The following MTDH variants were observed in gnomAD, a reference collection of about 807,000 sequenced individuals.
The protein encoded by MTDH is protein LYRIC.
MTDH carries 34 observed loss-of-function variants against 72.7 expected under a neutral mutation model. The observed-to-expected ratio is 0.47, with a 90% CI of 0.36 to 0.62. The LOEUF (loss-of-function observed/expected upper bound fraction) is 0.62, where lower values mean the gene tolerates loss of function less well. Ranked by LOEUF, MTDH falls within the 20% of genes least tolerant of loss-of-function variation. The probability of loss-of-function intolerance (pLI) is 0.00; values close to 1 mark genes in which losing one functional copy is unlikely to be tolerated. For missense variants in MTDH, 677 were observed against 699.4 expected, an observed-to-expected ratio of 0.97 and a Z score of 0.36; for synonymous variants, 266 against 268.9, an observed-to-expected ratio of 0.99 and a Z score of 0.10.
In MTDH at chr8:97,725,518, A is replaced by G. The variant is rs2131097758; in HGVS notation, c.*848A>G. 6.5e-6 allele frequency: 1 copy of G among 152,714 alleles called. No individual in the cohort carries two copies. The highest frequency in any genetic ancestry group is 1.5e-5 in the Non-Finnish European group (1 of 68,016). 9.5% of individuals were successfully genotyped at this position (152,714 alleles called of 1,614,324 possible). A position where few individuals can be genotyped will look rare whatever the true frequency, so the allele number is the denominator to read the frequency against. The stretch of plus-strand genomic sequence containing the variant: ...CAGCTTCAACTCTTCTTAGTTACTA[A>G]TACTTTGTTGACTTTAAAAATGAAA... On this transcript the variant is annotated 3_prime_UTR_variant, in exon 12 of 12. Transcript: ENST00000336273.
intron 8 of MTDH, among the ~76,000 whole-genome samples, chr8:97,710,582 C>T (rs2513974): frequency 0.18 from 26,020 of 147,786 alleles, 3,384 homozygotes; most frequent in African/African-American, 0.35. Flanking sequence ...CCTGTAATCC[C>T]AGCTACTTGG....
In MTDH at chr8:97,644,325, C is replaced by T. The variant is rs1019221596; in HGVS notation, c.-182C>T. ...CGGAGTGAGGCTGACAGCGGGGAACCTGGGAGACCCCTCCGCCCTCCCCGC... is the reference window on the plus strand; with the variant it reads ...CGGAGTGAGGCTGACAGCGGGGAACTTGGGAGACCCCTCCGCCCTCCCCGC... On this transcript the variant is annotated 5_prime_UTR_variant, in exon 1 of 12. Coordinates refer to ENST00000336273, the MANE Select transcript of MTDH (RefSeq NM_178812.4). The T allele has an allele frequency of 2.7e-6, 2 of 753,408 alleles. No individual in the cohort carries two copies. Among genetic ancestry groups the T allele is most frequent in the African/African-American group, 3.8e-5 (2 of 53,090 alleles). 46.7% of individuals were successfully genotyped at this position (753,408 alleles called of 1,614,324 possible).
At position 97,702,342 on chromosome 8, in the gene MTDH, A is replaced by G. The variant is rs559756592; in HGVS notation, c.1147+2490A>G. On this transcript the variant is annotated intron_variant, in intron 7 of 11. Transcript: ENST00000336273. ...TTCAGGACAGACTACCTGGGTTTCA[A>G]TCTTAACTTCCCTGCCTTTGCCCAT... 5.3e-5 allele frequency among the ~76,000 whole-genome samples: 8 copies of G among 152,298 alleles called. No homozygotes were observed. In the South Asian group the frequency reaches 1.0e-3, roughly 20 times the overall value.
At chr8:97,674,398 T>C (rs1812761016) in intron 2 of MTDH, among the ~76,000 whole-genome samples, 1 of 152,242 alleles carries the variant, frequency 6.6e-6, no homozygotes, top group African/African-American at 2.4e-5. Flanking sequence ...CATCCTGATA[T>C]TGTATCACAA....
chr8:97,721,624 T>C (rs991015482), intron 10 of MTDH, among the ~76,000 whole-genome samples: 10 of 152,210 alleles, frequency 6.6e-5, no homozygotes, highest in African/African-American at 2.4e-4. Context: ...TTCAGGATAA[T>C]GATCACAGAT....
chr8:97,691,844 G>A (rs887124008), intron 6 of MTDH, among the ~76,000 whole-genome samples: 11 of 151,684 alleles, frequency 7.3e-5, no homozygotes, highest in African/African-American at 2.4e-5. Flanking sequence ...TCTCCTGCCC[G>A]CAACTGTATA....
At chr8:97,664,661 C>A (rs868322799) in intron 2 of MTDH, among the ~76,000 whole-genome samples, 22 of 152,026 alleles carry the variant, frequency 1.4e-4, no homozygotes, top group African/African-American at 5.1e-4. Flanking sequence ...GTGTGTATTG[C>A]GCTTTGTGTT....
intron 6 of MTDH, among the ~76,000 whole-genome samples, chr8:97,694,266 CG>C (rs1352097079): frequency 7.9e-5 from 12 of 151,136 alleles, no homozygotes; most frequent in African/African-American, 2.7e-4. Context: ...GGCACGATCT[CG>C]GCTCACCACA....
intron 7 of MTDH, among the ~76,000 whole-genome samples, chr8:97,700,285 A>T (rs574447951): frequency 2.0e-4 from 30 of 152,302 alleles, no homozygotes; most frequent in African/African-American, 7.2e-4. Flanking sequence ...TTAGAAGGGA[A>T]GAATATGGTT....
In MTDH at chr8:97,725,868, G is replaced by T. The variant is rs1247938563; in HGVS notation, c.*1198G>T. ...AGGTATCTTTGTAACTATAAATAGT[G>T]CATGCTCAGCCATGTACACTGTAAA... On this transcript the variant is annotated 3_prime_UTR_variant, in exon 12 of 12. Coordinates refer to ENST00000336273, the MANE Select transcript of MTDH (RefSeq NM_178812.4). 3 of 152,518 alleles carry T rather than the reference G, an allele frequency of 2.0e-5. No homozygotes were observed. Among genetic ancestry groups the T allele is most frequent in the Non-Finnish European group, 4.4e-5 (3 of 68,036 alleles). 9.4% of individuals were successfully genotyped at this position (152,518 alleles called of 1,614,324 possible).
chr8:97,680,970 C>A (rs1191119552), intron 2 of MTDH, among the ~76,000 whole-genome samples: 1 of 152,106 alleles, frequency 6.6e-6, no homozygotes, highest in African/African-American at 2.4e-5. Context: ...AAAGGTATAG[C>A]CATACTGGAA....
chr8:97,713,241 C>T (rs750873092), intron 8 of MTDH, among the ~76,000 whole-genome samples: 32 of 152,194 alleles, frequency 2.1e-4, no homozygotes, highest in Admixed American at 3.3e-4. Context: ...CCTGCCATCA[C>T]GCCCGGCTAA....
chr8:97,727,784 T>C lies in MTDH; in HGVS notation c.*3114T>C, dbSNP rs1253659140. 6.6e-6 allele frequency: 1 copy of C among 152,100 alleles called. No homozygotes were observed. The highest frequency in any genetic ancestry group is 1.5e-5 in the Non-Finnish European group (1 of 68,038). The allele number at this position is 152,100 out of a possible 1,614,324, so 9.4% of individuals were successfully genotyped here. A position where few individuals can be genotyped will look rare whatever the true frequency, so the allele number is the denominator to read the frequency against. ...ATACATACTGAAAATTCTTCCCTAC[T>C]CTGAGGCAGGGTGTAGTGGTTTAGG... On this transcript the variant is annotated 3_prime_UTR_variant, in exon 12 of 12. Transcript: ENST00000336273.
chr8:97,670,952 GTTTTTTTTT>G (rs1160758851), intron 2 of MTDH, among the ~76,000 whole-genome samples: 7 of 77,990 alleles, frequency 9.0e-5, no homozygotes, highest in African/African-American at 3.5e-4. Context: ...TGTTGTTGTT[GTTTTTTTTT>G]TTTTTTTTTT....
intron 8 of MTDH, among the ~76,000 whole-genome samples, chr8:97,710,214 G>T (rs1814565148): frequency 6.6e-6 from 1 of 152,026 alleles, no homozygotes; most frequent in Non-Finnish European, 1.5e-5. Context: ...AAACTGTCTG[G>T]TAGTTCGTGA....
intron 2 of MTDH, among the ~76,000 whole-genome samples, chr8:97,671,405 G>A (rs1812616552): frequency 6.6e-6 from 1 of 152,052 alleles, no homozygotes; most frequent in Non-Finnish European, 1.5e-5. Flanking sequence ...AGACATTAAA[G>A]ATATTTGCAG....
intron 2 of MTDH, among the ~76,000 whole-genome samples, chr8:97,662,385 C>T (rs1586212470): frequency 6.7e-6 from 1 of 149,898 alleles, no homozygotes; most frequent in South Asian, 2.1e-4. Context: ...AGCCCCTTTT[C>T]AGGAAAAAAA....
chr8:97,684,139 CAAAA>C (rs76185022), intron 2 of MTDH, among the ~76,000 whole-genome samples: 6 of 63,516 alleles, frequency 9.4e-5, no homozygotes, highest in Admixed American at 5.1e-4. Flanking sequence ...AACTCCTTCT[CAAAA>C]AAAAAAAAAA....
intron 11 of MTDH, among the ~76,000 whole-genome samples, chr8:97,723,767 T>C (rs1019255529): frequency 6.7e-6 from 1 of 150,146 alleles, no homozygotes; most frequent in East Asian, 2.0e-4. Context: ...AAATGCTAAA[T>C]TTTTTGGACG....
Sources: allele counts gnomAD v4.1 joint callset (sites outside exome capture counted in the v4.1 genomes callset), GRCh38; gene constraint gnomAD v4.1.1; transcripts MANE v1.5; gene names NCBI Gene and HGNC (gene_info 2026-07-23, HGNC 2026-07-21).